The following WDFY3 variants were observed in gnomAD, a reference collection of about 807,000 sequenced individuals.
WDFY3 encodes WD repeat and FYVE domain-containing protein 3.
WDFY3 carries 66 observed loss-of-function variants against 409.6 expected under a neutral mutation model. The ratio of observed to expected loss-of-function variants is 0.16; its 90% CI spans 0.13 to 0.20. WDFY3 has a LOEUF of 0.20. WDFY3 is among the 10% of genes least tolerant of loss of function. The probability of loss-of-function intolerance (pLI) is 1.00; values close to 1 mark genes in which losing one functional copy is unlikely to be tolerated. For synonymous variants in WDFY3, 1,521 were observed against 1,537.1 expected, an observed-to-expected ratio of 0.99 and a Z score of 0.25; for missense variants, 3,031 against 4,298.1, an observed-to-expected ratio of 0.71 and a Z score of 8.24.
chr4:84,778,481 T>C (rs188495473), intron 27 of WDFY3, 22 bp downstream of exon 27: 3 of 1,537,570 alleles, frequency 2.0e-6, no homozygotes, highest in East Asian at 2.3e-5. Flanking sequence ...TTATATATTA[T>C]CAATTATGCT....
In WDFY3 at chr4:84,882,883, G is replaced by C. The variant is rs550615490; in HGVS notation, c.-32+14028C>G. Among the ~76,000 whole-genome samples, 161 of 151,996 alleles carry C rather than the reference G, an allele frequency of 1.1e-3. 1 individual carries two copies. Among genetic ancestry groups the C allele is most frequent in the Non-Finnish European group, 1.8e-3 (120 of 67,950 alleles). On this transcript the variant is annotated intron_variant, in intron 3 of 67. Transcript: ENST00000295888. ...TATGCACATGTGGCTCATTTTTTCA[G>C]TTTTTGTAGAGTTGGGGTCTCACTA...
rs188998130 is a variant in WDFY3, at chr4:84,820,148, G to A, written c.1630C>T (p.His544Tyr). ...RNNSSVEDQK[H>Y]LALLVMETLT... ...GTCTCCATAACCAATAAAGCCAGGT[G>A]TTTTTGGTCTTCAACTGAACTATTA... The change falls in exon 12 of 68, where the codon CAC becomes TAC. Residue 544 changes from histidine to tyrosine, a missense_variant. By Grantham distance (83) the His-to-Tyr change is moderately conservative (BLOSUM62 2). This residue lies in a region of WDFY3 where 1,322 missense variants were observed against 1,697.9 expected (regional missense o/e 0.78). Transcript: ENST00000295888. 14 of 1,608,764 alleles carry A rather than the reference G, an allele frequency of 8.7e-6. No homozygotes were observed. In the East Asian group the frequency reaches 2.9e-4, roughly 33 times the overall value.
intron 17 of WDFY3, 24 bp downstream of exon 17, chr4:84,801,626 A>AT (rs1750578162): frequency 1.9e-6 from 3 of 1,585,450 alleles, no homozygotes; most frequent in South Asian, 2.3e-5. Context: ...ATTGTGGACT[A>AT]TTTGAGTATG....
intron 2 of WDFY3, among the ~76,000 whole-genome samples, chr4:84,931,112 G>C (rs981831637): frequency 1.3e-5 from 2 of 152,154 alleles, no homozygotes; most frequent in Admixed American, 6.5e-5. Context: ...GGGTTCCCTA[G>C]TATCTGTGGT....
chr4:84,925,855 G>A (rs980989728), intron 2 of WDFY3, among the ~76,000 whole-genome samples: 1 of 151,936 alleles, frequency 6.6e-6, no homozygotes, highest in East Asian at 1.9e-4. Context: ...TATTCCACAA[G>A]AATATATGTG....
chr4:84,828,997 G>A lies in WDFY3; in HGVS notation c.956+7C>T, dbSNP rs376913534. The A allele has an allele frequency of 6.2e-7, 1 of 1,601,702 alleles. No individual in the cohort carries two copies. The highest frequency in any genetic ancestry group is 8.5e-7 in the Non-Finnish European group (1 of 1,173,592). On this transcript the variant is annotated splice_region_variant and intron_variant, in intron 9 of 67. Transcript: ENST00000295888. The stretch of plus-strand genomic sequence containing the variant: ...TTAAAATACATTCTTAAATTGAGCA[G>A]TCTTACCTAAGCAAGAGATCACAAA...
chr4:84,906,771 A>ATTTTTTTT (rs574300152), intron 2 of WDFY3, among the ~76,000 whole-genome samples: 1 of 136,944 alleles, frequency 7.3e-6, no homozygotes. Flanking sequence ...ATATTTTGTG[A>ATTTTTTTT]TTTTTTTTTT....
intron 13 of WDFY3, among the ~76,000 whole-genome samples, chr4:84,815,211 T>C (rs923177212): frequency 6.6e-6 from 1 of 152,184 alleles, no homozygotes; most frequent in African/African-American, 2.4e-5. Context: ...TCTGTTATTA[T>C]TTTAATGTCA....
Position 84,794,600 on chromosome 4 carries a change from A to G in WDFY3, c.3406T>C (p.Tyr1136His), listed in dbSNP as rs1749056229. ...VRRANSSEQHYVCLAIVLSAK... is the reference protein window; with the variant it reads ...VRRANSSEQHHVCLAIVLSAK... ...GATAGAACTATTGCAAGGCACACGT[A>G]ATGTTGCTCAGAAGAATTTGCTCGG... The change falls in exon 21 of 68, where the codon TAC (tyrosine) becomes CAC (histidine). Residue 1136 changes from tyrosine (Y) to histidine (H), a missense_variant. This residue lies in a region of WDFY3 where 1,322 missense variants were observed against 1,697.9 expected (regional missense o/e 0.78). Transcript: ENST00000295888. 3 of 1,614,170 alleles carry G rather than the reference A, an allele frequency of 1.9e-6. No individual in the cohort carries two copies. Among genetic ancestry groups the G allele is most frequent in the East Asian group, 4.5e-5 (2 of 44,864 alleles).
chr4:84,839,731 G>A lies in WDFY3; in HGVS notation c.414+1423C>T, dbSNP rs181615273. ...AAATTAGCTGGGTGTGGTGGCGCGCGCCTGTAATCCCAGCTACTCGGGAGG... is the reference window on the plus strand; with the variant it reads ...AAATTAGCTGGGTGTGGTGGCGCGCACCTGTAATCCCAGCTACTCGGGAGG... On this transcript the variant is annotated intron_variant, in intron 6 of 67. Transcript: ENST00000295888. Among the ~76,000 whole-genome samples, 1,282 of 152,034 alleles carry A rather than the reference G, an allele frequency of 8.4e-3. 23 individuals carry two copies. Among genetic ancestry groups the A allele is most frequent in the African/African-American group, 0.029 (1,204 of 41,474 alleles).
chr4:84,860,687 T>G (rs960032716), intron 3 of WDFY3, 65 bp from the exon 4 acceptor site: 2 of 1,285,898 alleles, frequency 1.6e-6, no homozygotes, highest in Non-Finnish European at 2.0e-6. Context: ...CAAGCATGCA[T>G]GTAAGAGCTT....
intron 66 of WDFY3, 101 bp from the exon 67 acceptor site, chr4:84,677,497 G>T: frequency 4.3e-6 from 5 of 1,165,664 alleles, no homozygotes; most frequent in South Asian, 1.6e-5. Context: ...TGAGGTCGGG[G>T]CTGGTAAGGG....
intron 46 of WDFY3, among the ~76,000 whole-genome samples, chr4:84,722,959 T>C (rs1219157028): frequency 2.0e-5 from 3 of 152,216 alleles, no homozygotes; most frequent in African/African-American, 4.8e-5. Flanking sequence ...GCTTTATTTT[T>C]AGCTTAATGA....
At chr4:84,892,054 T>C (rs1002364951) in intron 3 of WDFY3, among the ~76,000 whole-genome samples, 2 of 149,712 alleles carry the variant, frequency 1.3e-5, no homozygotes, top group Non-Finnish European at 3.0e-5. Context: ...ATGCAATCCC[T>C]AACATAAGTC....
At chr4:84,933,241 A>G (rs1464332602) in intron 1 of WDFY3, among the ~76,000 whole-genome samples, 2 of 152,150 alleles carry the variant, frequency 1.3e-5, no homozygotes, top group African/African-American at 2.4e-5. Context: ...AAATCATTCA[A>G]AATCATTGAA....
intron 3 of WDFY3, among the ~76,000 whole-genome samples, chr4:84,863,534 T>C (rs541574816): frequency 1.6e-4 from 25 of 152,344 alleles, no homozygotes; most frequent in African/African-American, 6.0e-4. Flanking sequence ...TGGAGAAACA[T>C]CTACTCAGGT....
intron 1 of WDFY3, among the ~76,000 whole-genome samples, chr4:84,937,035 TATA>T (rs1446884775): frequency 6.6e-6 from 1 of 152,156 alleles, no homozygotes; most frequent in African/African-American, 2.4e-5. Context: ...CTCGACTCCT[TATA>T]TGCCTCTAGA....
chr4:84,898,068 C>T (rs985191925), intron 2 of WDFY3, among the ~76,000 whole-genome samples: 6 of 152,208 alleles, frequency 3.9e-5, no homozygotes, highest in African/African-American at 9.6e-5. Context: ...GCAGCCACTA[C>T]CTACATGTGG....
At chr4:84,825,899 T>C (rs1020331240) in intron 10 of WDFY3, among the ~76,000 whole-genome samples, 2 of 152,140 alleles carry the variant, frequency 1.3e-5, no homozygotes, top group Non-Finnish European at 2.9e-5. Context: ...TACTTTGAAA[T>C]GATTACTGTG....
Sources: allele counts gnomAD v4.1 joint callset (sites outside exome capture counted in the v4.1 genomes callset), GRCh38; gene constraint gnomAD v4.1.1; regional missense constraint gnomAD v4.1.1; transcripts MANE v1.5; gene names NCBI Gene and HGNC (gene_info 2026-07-23, HGNC 2026-07-21).